The following ENTREP2 variants were observed in gnomAD, a reference collection of about 807,000 sequenced individuals.
ENTREP2 encodes the protein protein ENTREP2.
chr15:29,185,870 A>C, the ENTREP2 span, among the ~76,000 whole-genome samples: 1 of 152,076 alleles, frequency 6.6e-6, no homozygotes, highest in South Asian at 2.1e-4. Context: ...TTTATTCTAG[A>C]ACATCTCATA....
chr15:29,526,464 A>C, the ENTREP2 span, among the ~76,000 whole-genome samples: 1 of 150,740 alleles, frequency 6.6e-6, no homozygotes, highest in Non-Finnish European at 1.5e-5. Context: ...CCCTGTACAG[A>C]GTATTTTCTT....
the ENTREP2 span, among the ~76,000 whole-genome samples, chr15:29,335,252 GT>G: frequency 6.6e-6 from 1 of 152,192 alleles, no homozygotes; most frequent in Non-Finnish European, 1.5e-5. Flanking sequence ...GACTCGAACA[GT>G]TAGATGGGTT....
chr15:29,456,332 T>C, the ENTREP2 span, among the ~76,000 whole-genome samples: 19 of 152,196 alleles, frequency 1.2e-4, no homozygotes, highest in African/African-American at 4.6e-4. Flanking sequence ...AAATGCTCAC[T>C]AATCTGACTG....
the ENTREP2 span, among the ~76,000 whole-genome samples, chr15:29,393,217 T>C: frequency 1.3e-5 from 2 of 152,232 alleles, no homozygotes; most frequent in Non-Finnish European, 2.9e-5. Flanking sequence ...TGACTGTGCA[T>C]GCATTGCTTG....
chr15:29,129,836 A>C, the ENTREP2 span, among the ~76,000 whole-genome samples: 1 of 152,112 alleles, frequency 6.6e-6, no homozygotes, highest in South Asian at 2.1e-4. Flanking sequence ...AGCTACACAC[A>C]TGTTGCATGA....
chr15:29,251,421 A>G, the ENTREP2 span, among the ~76,000 whole-genome samples: 1 of 152,234 alleles, frequency 6.6e-6, no homozygotes, highest in African/African-American at 2.4e-5. Flanking sequence ...CAAGTTGTTG[A>G]TCTTCTACAA....
chr15:29,135,889 C>G, the ENTREP2 span, among the ~76,000 whole-genome samples: 983 of 152,342 alleles, frequency 6.5e-3, 12 homozygotes, highest in African/African-American at 0.022. The surrounding 1 kb of genome is among the most constrained non-coding windows in gnomAD (Gnocchi z 7.4). Flanking sequence ...GTGATCAAGA[C>G]AGGCCGGGGC....
At chr15:29,517,647 T>C in the ENTREP2 span, among the ~76,000 whole-genome samples, 1 of 152,146 alleles carries the variant, frequency 6.6e-6, no homozygotes, top group Non-Finnish European at 1.5e-5. Flanking sequence ...GAAAGTAAAA[T>C]GTATAATATA....
chr15:29,221,491 C>T, the ENTREP2 span, among the ~76,000 whole-genome samples: 7 of 152,198 alleles, frequency 4.6e-5, no homozygotes, highest in African/African-American at 1.4e-4. Context: ...TGAGCCACCA[C>T]GACCGACACT....
the ENTREP2 span, among the ~76,000 whole-genome samples, chr15:29,642,555 A>G: frequency 0.019 from 2,822 of 145,952 alleles, 38 homozygotes; most frequent in Non-Finnish European, 0.029. Flanking sequence ...ATATATACAC[A>G]TATATATACT....
the ENTREP2 span, among the ~76,000 whole-genome samples, chr15:29,383,580 G>A: frequency 6.6e-6 from 1 of 152,208 alleles, no homozygotes; most frequent in Non-Finnish European, 1.5e-5. Flanking sequence ...TTGGCTGCAT[G>A]TCCCCTGAGA....
the ENTREP2 span, among the ~76,000 whole-genome samples, chr15:29,622,365 C>T: frequency 1.3e-5 from 2 of 151,848 alleles, no homozygotes; most frequent in East Asian, 1.9e-4. Context: ...ATGACCACGC[C>T]CGGCTAATTT....
the ENTREP2 span, chr15:29,233,646 C>A: frequency 1.2e-6 from 1 of 853,676 alleles, no homozygotes; most frequent in Admixed American, 1.9e-5. Flanking sequence ...TTAGTTTATG[C>A]ACTGTAATAA....
the ENTREP2 span, among the ~76,000 whole-genome samples, chr15:29,536,285 A>G: frequency 6.6e-6 from 1 of 152,104 alleles, no homozygotes; most frequent in Non-Finnish European, 1.5e-5. Context: ...TGGTGCCTAA[A>G]ACTACAGCAG....
the ENTREP2 span, chr15:29,611,121 A>G: frequency 6.6e-6 from 1 of 152,140 alleles, no homozygotes; most frequent in Non-Finnish European, 1.5e-5. Context: ...CATTTCTCAA[A>G]CACCCTCTTT....
At chr15:29,162,549 C>T in the ENTREP2 span, among the ~76,000 whole-genome samples, 233 of 152,218 alleles carry the variant, frequency 1.5e-3, 3 homozygotes, top group South Asian at 3.9e-3. Flanking sequence ...TCCACCACTT[C>T]TCTGAAAACC....
the ENTREP2 span, among the ~76,000 whole-genome samples, chr15:29,371,989 C>G: frequency 6.6e-6 from 1 of 151,928 alleles, no homozygotes; most frequent in Non-Finnish European, 1.5e-5. Context: ...GAAATTTCCC[C>G]AACAATTTTT....
chr15:29,602,921 C>T, the ENTREP2 span, among the ~76,000 whole-genome samples: 2,097 of 152,242 alleles, frequency 0.014, 59 homozygotes, highest in African/African-American at 0.048. Context: ...GCCAAGAGAA[C>T]GTGCATGTGC....
the ENTREP2 span, among the ~76,000 whole-genome samples, chr15:29,591,406 A>G: frequency 1.3e-5 from 2 of 152,180 alleles, no homozygotes; most frequent in African/African-American, 4.8e-5. Context: ...AGCAGACCCC[A>G]TATGTAGGGC....
Sources: gnomAD v4.1 joint callset for allele counts (sites outside exome capture counted in the v4.1 genomes callset) on GRCh38, gnomAD v4.1.1 for gene constraint, Gnocchi (gnomAD v3.1) non-coding constraint, MANE v1.5 for transcripts, NCBI Gene and HGNC (gene_info 2026-07-23, HGNC 2026-07-21) for gene names.